The following RSRC1 variants were observed in gnomAD, a reference collection of about 807,000 sequenced individuals.
The protein encoded by RSRC1 is arginine and serine rich coiled-coil 1.
In RSRC1, 39 loss-of-function variants were observed where a neutral mutation model predicts 49.1. That is an observed-to-expected ratio of 0.79 (90% CI 0.61 to 1.04). The LOEUF (loss-of-function observed/expected upper bound fraction) is 1.04. Ranked by LOEUF, RSRC1 falls within the 50% of genes least tolerant of loss-of-function variation. RSRC1 has a pLI of 0.00. For synonymous variants in RSRC1, 143 were observed against 130.8 expected, an observed-to-expected ratio of 1.09 and a Z score of -0.63; for missense variants, 388 against 402.4, an observed-to-expected ratio of 0.96 and a Z score of 0.31.
At chr3:158,324,433 C>A (rs548123511) in intron 5 of RSRC1, among the ~76,000 whole-genome samples, 4 of 152,232 alleles carry the variant, frequency 2.6e-5, no homozygotes, top group Non-Finnish European at 4.4e-5. Context: ...CTTCCTGTGT[C>A]CAAGTGTTCT....
At chr3:158,110,274 C>T (rs1254601610) in intron 1 of RSRC1, 51 bp downstream of exon 1, 1 of 152,472 alleles carries the variant, frequency 6.6e-6, no homozygotes, top group Non-Finnish European at 1.5e-5. Flanking sequence ...CTGCGGAGCT[C>T]CGAGGCCCTG....
chr3:158,419,434 G>A (rs1168653213), intron 6 of RSRC1, among the ~76,000 whole-genome samples: 3 of 151,940 alleles, frequency 2.0e-5, no homozygotes, highest in East Asian at 1.9e-4. Context: ...ATAGGTGACA[G>A]TTTATTTGCA....
chr3:158,333,055 G>A lies in RSRC1; in HGVS notation c.532-21802G>A, dbSNP rs931747825. Among the ~76,000 whole-genome samples, 5 of 150,030 alleles carry A rather than the reference G, an allele frequency of 3.3e-5. No homozygotes were observed. The South Asian group carries it at 8.4e-4, about 25-fold the overall frequency. ...GCTATCTTGGCTCACTGCAAGCTCC[G>A]CCTCCCGGGTTCACGCCATTCGCCT... On this transcript the variant is annotated intron_variant, in intron 5 of 9. Transcript: ENST00000611884.
At chr3:158,322,253 C>T (rs1728806423) in intron 5 of RSRC1, among the ~76,000 whole-genome samples, 1 of 152,118 alleles carries the variant, frequency 6.6e-6, no homozygotes, top group Non-Finnish European at 1.5e-5. Flanking sequence ...CCCCCACCTT[C>T]CACCCCTCCC....
chr3:158,487,223 A>G (rs1738848374), intron 7 of RSRC1, among the ~76,000 whole-genome samples: 1 of 152,192 alleles, frequency 6.6e-6, no homozygotes, highest in Admixed American at 6.5e-5. Flanking sequence ...ACAAGAATGA[A>G]TATGTAGTCA....
At chr3:158,174,210 A>G (rs1719062558) in intron 3 of RSRC1, among the ~76,000 whole-genome samples, 1 of 151,876 alleles carries the variant, frequency 6.6e-6, no homozygotes, top group Admixed American at 6.6e-5. Context: ...TTGGCATTTG[A>G]TAAGTGTGCT....
chr3:158,118,218 G>A (rs1714977202), intron 1 of RSRC1, among the ~76,000 whole-genome samples: 1 of 152,084 alleles, frequency 6.6e-6, no homozygotes. Flanking sequence ...CCAAAGTGCT[G>A]GGATTACAGG....
intron 4 of RSRC1, among the ~76,000 whole-genome samples, chr3:158,284,490 C>G (rs1455379260): frequency 1.3e-5 from 2 of 149,414 alleles, no homozygotes; most frequent in Admixed American, 1.3e-4. Flanking sequence ...CATGGTTGAA[C>G]TAGTTTACAG....
At chr3:158,157,414 A>G (rs1415871302) in intron 3 of RSRC1, among the ~76,000 whole-genome samples, 6 of 152,184 alleles carry the variant, frequency 3.9e-5, no homozygotes, top group Non-Finnish European at 5.9e-5. Flanking sequence ...TTGAAGAGAA[A>G]CGTAGGAATA....
intron 7 of RSRC1, among the ~76,000 whole-genome samples, chr3:158,466,431 A>G (rs74317474): frequency 0.027 from 4,156 of 152,328 alleles, 62 homozygotes; most frequent in Non-Finnish European, 0.04. Context: ...ACAAATTTCA[A>G]GACCAACTCA....
At chr3:158,133,947 G>A (rs1052431970) in intron 3 of RSRC1, among the ~76,000 whole-genome samples, 1 of 152,090 alleles carries the variant, frequency 6.6e-6, no homozygotes, top group African/African-American at 2.4e-5. Context: ...GAAAGACGGC[G>A]GCTGATAAAT....
At position 158,544,302 on chromosome 3, in the gene RSRC1, T is replaced by G. The variant is rs1713206946; in HGVS notation, c.*27T>G. The stretch of plus-strand genomic sequence containing the variant: ...TAATATACATATAGTTGGATTGGAT[T>G]GTCAGCAGTAACATTGGAAATTTAG... On this transcript the variant is annotated 3_prime_UTR_variant, in exon 10 of 10. Transcript: ENST00000611884. The G allele has an allele frequency of 7.1e-7, 1 of 1,404,826 alleles. No homozygotes were observed. The highest frequency in any genetic ancestry group is 2.0e-5 in the Admixed American group (1 of 50,848). 87.0% of individuals were successfully genotyped at this position (1,404,826 alleles called of 1,614,324 possible).
chr3:158,342,975 G>C (rs1730340020), intron 5 of RSRC1, among the ~76,000 whole-genome samples: 1 of 152,212 alleles, frequency 6.6e-6, no homozygotes, highest in South Asian at 2.1e-4. Flanking sequence ...GGAGCTGTGA[G>C]ACCAGGAAGG....
chr3:158,208,556 A>G (rs1721480071), intron 4 of RSRC1, among the ~76,000 whole-genome samples: 1 of 152,074 alleles, frequency 6.6e-6, no homozygotes, highest in South Asian at 2.1e-4. Context: ...TTTTTTCTTG[A>G]GATAAAGTCT....
At chr3:158,457,749 T>G (rs113431007) in intron 6 of RSRC1, among the ~76,000 whole-genome samples, 28,530 of 148,898 alleles carry the variant, frequency 0.19, 3,116 homozygotes, top group Middle Eastern at 0.28. Context: ...TGTTTTTTTT[T>G]TTTGTTTGTT....
chr3:158,298,711 A>C (rs975348877), intron 5 of RSRC1, among the ~76,000 whole-genome samples: 4 of 152,134 alleles, frequency 2.6e-5, no homozygotes, highest in African/African-American at 9.6e-5. Context: ...CACTGTATTG[A>C]GTGTTTATTA....
intron 6 of RSRC1, among the ~76,000 whole-genome samples, chr3:158,411,364 G>T (rs1200159004): frequency 6.6e-6 from 1 of 151,970 alleles, no homozygotes; most frequent in Non-Finnish European, 1.5e-5. Context: ...AATTTACTAG[G>T]CAATGTCAAA....
chr3:158,201,351 A>G (rs1224570692), intron 3 of RSRC1, among the ~76,000 whole-genome samples: 2 of 152,078 alleles, frequency 1.3e-5, no homozygotes, highest in Admixed American at 6.6e-5. Context: ...CTTAATATTT[A>G]TCTTACTTGG....
intron 6 of RSRC1, among the ~76,000 whole-genome samples, chr3:158,407,867 G>T (rs554269330): frequency 8.5e-5 from 13 of 152,088 alleles, no homozygotes; most frequent in Non-Finnish European, 1.8e-4. Context: ...GCATCTTCCA[G>T]TCTTACTTAC....
Sources: allele counts gnomAD v4.1 joint callset (sites outside exome capture counted in the v4.1 genomes callset), GRCh38; gene constraint gnomAD v4.1.1; transcripts MANE v1.5; gene names NCBI Gene and HGNC (gene_info 2026-07-23, HGNC 2026-07-21).